Variants in SPAG16 observed in about 807,000 individuals in gnomAD.
SPAG16 encodes sperm associated antigen 16.
SPAG16 carries 86 observed loss-of-function variants against 80.4 expected under a neutral mutation model. That is an observed-to-expected ratio of 1.07 (90% CI 0.90 to 1.28). SPAG16 has a LOEUF of 1.28. SPAG16 is among the 50% of genes most tolerant of loss of function. The pLI, the probability that SPAG16 is intolerant of heterozygous loss-of-function variation, is 0.00. For synonymous variants in SPAG16, 294 were observed against 265.9 expected (o/e 1.11, Z -1.03); for missense variants, 870 against 765.3 (o/e 1.14, Z -1.61).
intron 5 of SPAG16, among the ~76,000 whole-genome samples, chr2:213,320,603 C>T (rs2063574165): frequency 6.6e-6 from 1 of 152,000 alleles, no homozygotes; most frequent in Non-Finnish European, 1.5e-5. Context: ...AATTATCATT[C>T]TCCCTGCTAC....
Position 213,342,341 on chromosome 2 carries a change from T to TATATATATATG in SPAG16, c.644+2072_644+2073insTATATATATGA, listed in dbSNP as rs1162248656. Among the ~76,000 whole-genome samples, 13 of 6,426 alleles carry TATATATATATG rather than the reference T, an allele frequency of 2.0e-3. 1 individual carries two copies. Among genetic ancestry groups the TATATATATATG allele is most frequent in the Admixed American group, 5.8e-3 (3 of 514 alleles). 4.2% of individuals were successfully genotyped at this position (6,426 alleles called of 152,430 possible). On this transcript the variant is annotated intron_variant, in intron 6 of 15. Coordinates refer to ENST00000331683, the MANE Select transcript of SPAG16 (RefSeq NM_024532.5). ...GTTACATATATGTGTATATATATAT[T>TATATATATATG]ACATATATGTATATATATATTACAT...
chr2:214,262,116 T>TC (rs1451771644), intron 15 of SPAG16, among the ~76,000 whole-genome samples: 1 of 152,122 alleles, frequency 6.6e-6, no homozygotes, highest in African/African-American at 2.4e-5. Context: ...AATGGATTTG[T>TC]CATTATTGTC....
At chr2:213,977,596 C>T (rs1470942306) in intron 12 of SPAG16, among the ~76,000 whole-genome samples, 2 of 151,858 alleles carry the variant, frequency 1.3e-5, no homozygotes, top group African/African-American at 4.8e-5. Flanking sequence ...GTTGCCAACT[C>T]TGATTCCTGC....
chr2:214,391,079 C>T (rs1159096518), intron 15 of SPAG16, among the ~76,000 whole-genome samples: 1 of 152,124 alleles, frequency 6.6e-6, no homozygotes, highest in Non-Finnish European at 1.5e-5. Flanking sequence ...AAAATCATGA[C>T]CTGACTGTTG....
intron 10 of SPAG16, among the ~76,000 whole-genome samples, chr2:213,573,947 G>A (rs2060020675): frequency 6.6e-6 from 1 of 152,108 alleles, no homozygotes; most frequent in East Asian, 1.9e-4. Context: ...GAAAAAATCA[G>A]ATTCAGATTT....
intron 12 of SPAG16, among the ~76,000 whole-genome samples, chr2:213,981,287 G>T (rs939217200): frequency 3.9e-5 from 6 of 152,142 alleles, no homozygotes; most frequent in Admixed American, 1.3e-4. Context: ...GTATGAGTTT[G>T]TGGGGGAATC....
chr2:213,636,651 C>G (rs192183255), intron 10 of SPAG16, among the ~76,000 whole-genome samples: 1 of 152,080 alleles, frequency 6.6e-6, no homozygotes, highest in South Asian at 2.1e-4. Flanking sequence ...TTGTAGTTCT[C>G]CTTGTACAGA....
intron 10 of SPAG16, among the ~76,000 whole-genome samples, chr2:213,862,003 G>T (rs574789207): frequency 5.9e-5 from 9 of 152,200 alleles, no homozygotes; most frequent in African/African-American, 2.2e-4. Flanking sequence ...TTCATTTATA[G>T]TATTTATTAC....
At chr2:214,080,490 C>G (rs772123270) in intron 13 of SPAG16, among the ~76,000 whole-genome samples, 57 of 150,328 alleles carry the variant, frequency 3.8e-4, no homozygotes, top group Admixed American at 9.9e-4. Flanking sequence ...CGCCTGTAGT[C>G]CCAGCTACTC....
intron 10 of SPAG16, among the ~76,000 whole-genome samples, chr2:213,703,613 A>G (rs562786518): frequency 6.6e-5 from 10 of 152,328 alleles, no homozygotes; most frequent in Non-Finnish European, 1.2e-4. Flanking sequence ...AGATGCACCA[A>G]TCAGCTCCCC....
In SPAG16 at chr2:214,126,512, C is replaced by T. The variant is rs542719053; in HGVS notation, c.1593+18251C>T. Among the ~76,000 whole-genome samples, 6 of 151,796 alleles carry T rather than the reference C, an allele frequency of 4.0e-5. No homozygotes were observed. The South Asian group carries it at 1.2e-3, about 32-fold the overall frequency. On this transcript the variant is annotated intron_variant, in intron 14 of 15. Transcript: ENST00000331683. ...TTGTAAACATTATGATGACACAACC[C>T]TATTCATATATTATCAACTTTATGT...
intron 10 of SPAG16, among the ~76,000 whole-genome samples, chr2:213,630,398 A>AG (rs1354600696): frequency 2.6e-5 from 4 of 151,976 alleles, no homozygotes; most frequent in Non-Finnish European, 4.4e-5. Flanking sequence ...AAAAAAAAAA[A>AG]GATGTTTCTG....
At chr2:213,892,853 A>G (rs2076837847) in intron 11 of SPAG16, among the ~76,000 whole-genome samples, 2 of 152,270 alleles carry the variant, frequency 1.3e-5, no homozygotes, top group South Asian at 4.1e-4. Context: ...GTTCATGAGA[A>G]AGTTGAACAA....
intron 8 of SPAG16, among the ~76,000 whole-genome samples, chr2:213,371,236 G>C (rs1173577066): frequency 6.6e-6 from 1 of 151,340 alleles, no homozygotes; most frequent in Admixed American, 6.6e-5. Flanking sequence ...GTAAAACCCC[G>C]TCTACTAAAA....
intron 10 of SPAG16, among the ~76,000 whole-genome samples, chr2:213,518,288 G>A (rs1399424022): frequency 6.6e-6 from 1 of 152,128 alleles, no homozygotes; most frequent in Non-Finnish European, 1.5e-5. Context: ...ATTATTTGAG[G>A]CATGTTCTCA....
At chr2:213,933,832 G>A (rs1165258406) in intron 12 of SPAG16, among the ~76,000 whole-genome samples, 2 of 152,168 alleles carry the variant, frequency 1.3e-5, no homozygotes, top group South Asian at 2.1e-4. Flanking sequence ...GGTTACTGTG[G>A]CATTGCGTTG....
At chr2:214,224,255 T>C (rs1397906288) in intron 15 of SPAG16, among the ~76,000 whole-genome samples, 2 of 152,198 alleles carry the variant, frequency 1.3e-5, no homozygotes, top group African/African-American at 4.8e-5. Flanking sequence ...TACATGAATT[T>C]TCTTTCATAT....
At chr2:214,034,916 T>C (rs935491689) in intron 13 of SPAG16, among the ~76,000 whole-genome samples, 1 of 152,164 alleles carries the variant, frequency 6.6e-6, no homozygotes, top group Non-Finnish European at 1.5e-5. Context: ...ATTCGGCAGG[T>C]CCTGAGTTCT....
chr2:213,358,837 C>T (rs1443778869), intron 7 of SPAG16, among the ~76,000 whole-genome samples: 2 of 152,178 alleles, frequency 1.3e-5, no homozygotes, highest in Non-Finnish European at 2.9e-5. Context: ...GGAGAAGAGG[C>T]ACTCTGGTTT....
Sources: allele counts gnomAD v4.1 joint callset (sites outside exome capture counted in the v4.1 genomes callset), GRCh38; gene constraint gnomAD v4.1.1; transcripts MANE v1.5; gene names NCBI Gene and HGNC (gene_info 2026-07-23, HGNC 2026-07-21).